The following SLC12A7 variants were observed in gnomAD, a reference collection of about 807,000 sequenced individuals.
SLC12A7 encodes the protein K-Cl cotransporter 4.
A neutral mutation model predicts 120.6 loss-of-function variants in SLC12A7; 100 were observed. The ratio of observed to expected loss-of-function variants is 0.83; its 90% CI spans 0.71 to 0.98. The LOEUF (loss-of-function observed/expected upper bound fraction) is 0.98. Among genes scored for constraint, SLC12A7 ranks in the 50% least tolerant of loss-of-function variants. The pLI, the probability that SLC12A7 is intolerant of heterozygous loss-of-function variation, is 0.00. For synonymous variants in SLC12A7, 760 were observed against 678.0 expected (o/e 1.12, Z -1.88); for missense variants, 1,373 against 1,548.1 (o/e 0.89, Z 1.90).
intron 21 of SLC12A7, among the ~76,000 whole-genome samples, 155 bp downstream of exon 21, chr5:1,060,189 C>T (rs1736037745): frequency 6.6e-6 from 1 of 152,242 alleles, no homozygotes; most frequent in Admixed American, 6.5e-5. Context: ...CCTCTGCCAC[C>T]TCCACGCAGG....
At chr5:1,100,216 C>T (rs932147340) in intron 1 of SLC12A7, among the ~76,000 whole-genome samples, 9 of 152,202 alleles carry the variant, frequency 5.9e-5, no homozygotes, top group African/African-American at 1.9e-4. Flanking sequence ...CACCCTCGGG[C>T]GGCACCGGGA....
the SLC12A7 span, among the ~76,000 whole-genome samples, chr5:1,125,485 G>A: frequency 6.6e-6 from 1 of 152,218 alleles, no homozygotes; most frequent in African/African-American, 2.4e-5. Flanking sequence ...TGCGGAAAAT[G>A]TCACTGCTCT....
At position 1,081,610 on chromosome 5, in the gene SLC12A7, G is replaced by C; in HGVS notation, c.1264C>G (p.Leu422Val). 6.2e-7 allele frequency: 1 copy of C among 1,609,798 alleles called. No homozygotes were observed. Among genetic ancestry groups the C allele is most frequent in the Non-Finnish European group, 8.5e-7 (1 of 1,177,038 alleles). ...VLTDIAASFT[L>V]LVGIYFPSVT... is the part of the protein sequence containing the mutation. ...GAAGGGAAGTAGATGCCAACCAGCA[G>C]GGTGAAGGAGGCCGCGATGTCGGTG... Residue 422 changes from leucine (L) to valine (V), a missense_variant, in exon 9 of 24, where the codon CTG becomes GTG. Transcript: ENST00000264930.
intron 8 of SLC12A7, among the ~76,000 whole-genome samples, chr5:1,083,345 G>T (rs1342009266): frequency 6.6e-6 from 1 of 152,182 alleles, no homozygotes; most frequent in Non-Finnish European, 1.5e-5. Context: ...CCCTGCCAGG[G>T]GTCCTTTTCC....
At chr5:1,097,226 A>C (rs1198154993) in intron 1 of SLC12A7, among the ~76,000 whole-genome samples, 1 of 152,178 alleles carries the variant, frequency 6.6e-6, no homozygotes, top group African/African-American at 2.4e-5. Context: ...CGAACTGTAC[A>C]AGTAGGAAAA....
chr5:1,154,148 C>T, the SLC12A7 span, among the ~76,000 whole-genome samples: 3 of 151,628 alleles, frequency 2.0e-5, no homozygotes, highest in Non-Finnish European at 4.4e-5. Context: ...ACAAGTGTCC[C>T]GTCCACCTCA....
chr5:1,149,380 C>T, the SLC12A7 span, among the ~76,000 whole-genome samples: 1 of 151,960 alleles, frequency 6.6e-6, no homozygotes, highest in African/African-American at 2.4e-5. Context: ...AGTTCGAGAC[C>T]AGCCTGGCCA....
At chr5:1,076,260 T>C (rs954494440) in intron 13 of SLC12A7, 24 bp from the exon 14 acceptor site, 2 of 1,580,222 alleles carry the variant, frequency 1.3e-6, no homozygotes, top group African/African-American at 1.3e-5. Flanking sequence ...CGGCCACTGA[T>C]ACGGGCCCAC....
chr5:1,068,487 T>C (rs1046125994), intron 17 of SLC12A7, among the ~76,000 whole-genome samples: 1 of 152,230 alleles, frequency 6.6e-6, no homozygotes, highest in African/African-American at 2.4e-5. Context: ...TGCCCAGATT[T>C]CTCTAATTTC....
At chr5:1,099,095 G>A (rs138469306) in intron 1 of SLC12A7, among the ~76,000 whole-genome samples, 25 of 152,244 alleles carry the variant, frequency 1.6e-4, no homozygotes, top group South Asian at 1.2e-3. Flanking sequence ...GGCAGGTCCC[G>A]GTGGTGCCCC....
At position 1,096,802 on chromosome 5, in the gene SLC12A7, AG is replaced by A. The variant is rs1386226796; in HGVS notation, c.125-2555del. Among the ~76,000 whole-genome samples the A allele has an allele frequency of 9.9e-4, 43 of 43,420 alleles. 5 individuals carry two copies. The highest frequency in any genetic ancestry group is 1.5e-3 in the Non-Finnish European group (32 of 21,150). 28.5% of individuals were successfully genotyped at this position (43,420 alleles called of 152,430 possible). Reference sequence around the variant, plus strand: ...GGGGGAGGGAGGGAAGGAAGGAGGGAGGGAAGGAAGGAGGGAAGGGAGGGAA... The same window carrying A: ...GGGGGAGGGAGGGAAGGAAGGAGGGAGGAAGGAAGGAGGGAAGGGAGGGAA... On this transcript the variant is annotated intron_variant, in intron 1 of 23. Transcript: ENST00000264930.
chr5:1,093,384 G>A (rs1158439376), intron 3 of SLC12A7, 149 bp downstream of exon 3: 15 of 789,388 alleles, frequency 1.9e-5, no homozygotes, highest in Admixed American at 4.8e-5. Context: ...AGGCACCATC[G>A]AGCCCTCCCA....
At chr5:1,087,734 A>G (rs1740039656) in intron 5 of SLC12A7, among the ~76,000 whole-genome samples, 1 of 152,242 alleles carries the variant, frequency 6.6e-6, no homozygotes, top group African/African-American at 2.4e-5. Flanking sequence ...CGCAGCACAC[A>G]TGCACTCAGA....
the SLC12A7 span, among the ~76,000 whole-genome samples, chr5:1,119,132 G>A: frequency 6.6e-6 from 1 of 152,266 alleles, no homozygotes; most frequent in Non-Finnish European, 1.5e-5. Context: ...AGGGGCCAGA[G>A]TCGCTTTTGC....
chr5:1,108,548 G>A (rs1224286299), intron 1 of SLC12A7, among the ~76,000 whole-genome samples: 3 of 152,124 alleles, frequency 2.0e-5, no homozygotes, highest in African/African-American at 4.8e-5. Flanking sequence ...TGTCGGGAAC[G>A]CCCTCCTGAA....
At chr5:1,099,936 C>T (rs944845559) in intron 1 of SLC12A7, among the ~76,000 whole-genome samples, 1 of 152,200 alleles carries the variant, frequency 6.6e-6, no homozygotes. Flanking sequence ...CGCCCCACTT[C>T]GCAACCTGAG....
At chr5:1,076,927 G>A (rs1360137143) in intron 12 of SLC12A7, 115 bp from the exon 13 acceptor site, 18 of 743,612 alleles carry the variant, frequency 2.4e-5, no homozygotes, top group South Asian at 1.8e-4. Context: ...CAGCAGAAAC[G>A]CCTTTCACAG....
chr5:1,126,831 C>T, the SLC12A7 span, among the ~76,000 whole-genome samples: 2 of 152,198 alleles, frequency 1.3e-5, no homozygotes, highest in African/African-American at 4.8e-5. Flanking sequence ...CGAGTCACCA[C>T]TGTAGATCCT....
chr5:1,087,897 T>C (rs988236141), intron 5 of SLC12A7, among the ~76,000 whole-genome samples: 5 of 152,364 alleles, frequency 3.3e-5, no homozygotes, highest in Admixed American at 3.3e-4. Flanking sequence ...TATTTAGTTA[T>C]TATGTATTGT....
Sources: allele counts gnomAD v4.1 joint callset (sites outside exome capture counted in the v4.1 genomes callset), GRCh38; gene constraint gnomAD v4.1.1; transcripts MANE v1.5; gene names NCBI Gene and HGNC (gene_info 2026-07-23, HGNC 2026-07-21).